Variants in NCOA3 observed in about 807,000 individuals in gnomAD.
NCOA3 encodes nuclear receptor coactivator 3, also known as CBP-interacting protein.
Under a neutral mutation model 158.8 loss-of-function variants are expected in NCOA3, and 51 were observed. That is an observed-to-expected ratio of 0.32 (90% confidence interval 0.26 to 0.41). The LOEUF (loss-of-function observed/expected upper bound fraction) is 0.41, where lower values mean the gene tolerates loss of function less well. Among genes scored for constraint, NCOA3 ranks in the 10% least tolerant of loss-of-function variants. The pLI is 1.00. For synonymous variants in NCOA3, 537 were observed against 592.4 expected (o/e 0.91, Z 1.36); for missense variants, 1,510 against 1,746.6 (o/e 0.86, Z 2.41).
chr20:47,555,280 G>T (rs1276711161), intron 1 of NCOA3, among the ~76,000 whole-genome samples: 2 of 152,180 alleles, frequency 1.3e-5, no homozygotes, highest in Admixed American at 1.3e-4. Context: ...TTGGAAAAAG[G>T]TGTTAATATA....
At chr20:47,536,173 C>T (rs145969772) in intron 1 of NCOA3, among the ~76,000 whole-genome samples, 69 of 152,192 alleles carry the variant, frequency 4.5e-4, no homozygotes, top group Non-Finnish European at 6.3e-4. Flanking sequence ...AGCACAGGCC[C>T]GAGGGTGGAG....
At chr20:47,609,933 A>G (rs1209447324) in intron 2 of NCOA3, among the ~76,000 whole-genome samples, 2 of 152,140 alleles carry the variant, frequency 1.3e-5, no homozygotes, top group East Asian at 1.9e-4. Flanking sequence ...ACCTAATGGT[A>G]TAAATGTTTA....
At chr20:47,526,040 C>CA (rs1381685253) in intron 1 of NCOA3, among the ~76,000 whole-genome samples, 1 of 150,600 alleles carries the variant, frequency 6.6e-6, no homozygotes, top group Non-Finnish European at 1.5e-5. Flanking sequence ...CCTCACTTCT[C>CA]AGACGGGGCG....
At chr20:47,505,888 G>A (rs1402282891) in intron 1 of NCOA3, among the ~76,000 whole-genome samples, 4 of 143,570 alleles carry the variant, frequency 2.8e-5, no homozygotes, top group African/African-American at 1.0e-4. Context: ...TGCAACCTCT[G>A]CCTCCCAGGT....
At chr20:47,590,646 A>G (rs771388976) in intron 2 of NCOA3, among the ~76,000 whole-genome samples, 3 of 152,224 alleles carry the variant, frequency 2.0e-5, no homozygotes, top group African/African-American at 4.8e-5. Flanking sequence ...CTACAAAAAT[A>G]AAAAATAAAA....
intron 20 of NCOA3, among the ~76,000 whole-genome samples, chr20:47,651,948 G>T (rs1408193080): frequency 2.6e-5 from 4 of 152,046 alleles, no homozygotes; most frequent in Non-Finnish European, 5.9e-5. Context: ...TTACAGGCGT[G>T]AGTCACCGTG....
chr20:47,544,316 C>CTT (rs397866275), intron 1 of NCOA3, among the ~76,000 whole-genome samples: 5,759 of 99,536 alleles, frequency 0.058, 249 homozygotes, highest in Non-Finnish European at 0.089. Flanking sequence ...TTTAATACTA[C>CTT]TTTTTTTTTT....
At chr20:47,527,351 G>A (rs908693149) in intron 1 of NCOA3, among the ~76,000 whole-genome samples, 8 of 152,090 alleles carry the variant, frequency 5.3e-5, no homozygotes, top group African/African-American at 1.9e-4. Context: ...TAATCATAAA[G>A]TATGTTGTGT....
chr20:47,578,547 A>T (rs1286407360), intron 1 of NCOA3, among the ~76,000 whole-genome samples: 1 of 152,198 alleles, frequency 6.6e-6, no homozygotes. Context: ...TTCTCCTTTC[A>T]TTATAGCTAC....
At chr20:47,572,567 C>T (rs764535332) in intron 1 of NCOA3, among the ~76,000 whole-genome samples, 5 of 151,602 alleles carry the variant, frequency 3.3e-5, no homozygotes, top group African/African-American at 4.9e-5. Flanking sequence ...GAGACAGTCT[C>T]ACTCTGTTGC....
intron 1 of NCOA3, among the ~76,000 whole-genome samples, chr20:47,553,991 T>C (rs1345719703): frequency 6.6e-6 from 1 of 152,196 alleles, no homozygotes; most frequent in African/African-American, 2.4e-5. Flanking sequence ...TCCACAATGG[T>C]TGAACTAGTT....
Position 47,651,198 on chromosome 20 carries a change from C to G in NCOA3, c.3868C>G (p.Pro1290Ala), listed in dbSNP as rs1459865397. ...FSPPPNVTAS[P>A]SMDGLLAGPT... ...CCCACCTCCTAATGTGACTGCTTCC[C>G]CCAGCATGGATGGGCTTTTGGCAGG... The change falls in exon 20 of 23, where the codon CCC becomes GCC. Residue 1290 changes from proline to alanine, a missense_variant. Pro to Ala is a conservative substitution (Grantham distance 27). Around this residue, in one of 4 missense-constraint regions of NCOA3, gnomAD observed 180 missense variants for 199.3 expected, o/e 0.90. Transcript: ENST00000371998. 2 of 1,614,016 alleles carry G rather than the reference C, an allele frequency of 1.2e-6. No individual in the cohort carries two copies. The highest frequency in any genetic ancestry group is 1.3e-5 in the African/African-American group (1 of 74,898).
At chr20:47,541,510 T>C (rs562163347) in intron 1 of NCOA3, among the ~76,000 whole-genome samples, 117 of 137,030 alleles carry the variant, frequency 8.5e-4, no homozygotes, top group South Asian at 1.8e-3. Context: ...TCCTGAGTAG[T>C]TGGGACCACA....
At chr20:47,640,260 A>G (rs1159155479) in intron 16 of NCOA3, among the ~76,000 whole-genome samples, 1 of 152,184 alleles carries the variant, frequency 6.6e-6, no homozygotes, top group African/African-American at 2.4e-5. Flanking sequence ...GAGGGAGGAG[A>G]TACAACCATG....
At chr20:47,605,048 A>G (rs373028110) in intron 2 of NCOA3, among the ~76,000 whole-genome samples, 1 of 152,034 alleles carries the variant, frequency 6.6e-6, no homozygotes, top group Admixed American at 6.6e-5. Flanking sequence ...TTGTATTTTT[A>G]GTAGAGACAG....
chr20:47,640,073 CTG>C, intron 16 of NCOA3, 22 bp downstream of exon 16: 11 of 1,613,888 alleles, frequency 6.8e-6, no homozygotes, highest in Non-Finnish European at 9.3e-6. Context: ...TTTTGTGACT[CTG>C]TAGAAAATCT....
At chr20:47,505,691 A>AT (rs916049706) in intron 1 of NCOA3, among the ~76,000 whole-genome samples, 2 of 150,486 alleles carry the variant, frequency 1.3e-5, no homozygotes, top group Admixed American at 6.6e-5. Context: ...ACTTTTTCTT[A>AT]TTTTTTTCTC....
chr20:47,562,538 AT>A (rs201250731), intron 1 of NCOA3, among the ~76,000 whole-genome samples: 10,422 of 143,398 alleles, frequency 0.073, 438 homozygotes, highest in Non-Finnish European at 0.1. Flanking sequence ...ATCTGTCTTG[AT>A]TTTTTTTTTT....
intron 8 of NCOA3, chr20:47,630,123 A>G (rs990530726): frequency 6.6e-6 from 1 of 152,172 alleles, no homozygotes; most frequent in South Asian, 2.1e-4. Flanking sequence ...GGCTAAACTC[A>G]GGAGAGGTGG....
Sources: gnomAD v4.1 joint callset for allele counts (sites outside exome capture counted in the v4.1 genomes callset) on GRCh38, gnomAD v4.1.1 for gene constraint, gnomAD v4.1.1 regional missense constraint, MANE v1.5 for transcripts, NCBI Gene and HGNC (gene_info 2026-07-23, HGNC 2026-07-21) for gene names.